PCDHGB5: variants seen among roughly 807,000 people sequenced by gnomAD.
PCDHGB5 encodes protocadherin gamma-B5.
In PCDHGB5, 48 loss-of-function variants were observed where a neutral mutation model predicts 62.9. That is an observed-to-expected ratio of 0.76 (90% CI 0.61 to 0.97). PCDHGB5 has a LOEUF of 0.97. Among genes scored for constraint, PCDHGB5 ranks in the 50% least tolerant of loss-of-function variants. The probability of loss-of-function intolerance (pLI) is 0.00; values close to 1 mark genes in which losing one functional copy is unlikely to be tolerated. For synonymous variants in PCDHGB5, 474 were observed against 511.2 expected, an observed-to-expected ratio of 0.93 and a Z score of 0.98; for missense variants, 1,118 against 1,198.6, an observed-to-expected ratio of 0.93 and a Z score of 0.99.
chr5:141,428,204 C>G, intron 1 of PCDHGB5: 2 of 1,324,722 alleles, frequency 1.5e-6, no homozygotes, highest in Non-Finnish European at 1.1e-6. Context: ...TGCGCCGCTA[C>G]GCTTCACCTA....
Position 141,490,027 on chromosome 5 carries a change from CG to C in PCDHGB5, c.2398-4779del. The C allele has an allele frequency of 6.2e-7, 1 of 1,614,214 alleles. No individual in the cohort carries two copies. Among genetic ancestry groups the C allele is most frequent in the Admixed American group, 1.7e-5 (1 of 60,032 alleles). On this transcript the variant is annotated intron_variant, in intron 1 of 3. Transcript: ENST00000617380. The surrounding 1 kb of genome is among the most constrained non-coding windows in gnomAD (Gnocchi z 5.4). Reference sequence around the variant, plus strand: ...TGCACCCATTGGTACTCTGCTGCTCCGCCTCAATGCCACTGATCCAGACGAG... The same window carrying C: ...TGCACCCATTGGTACTCTGCTGCTCCCCTCAATGCCACTGATCCAGACGAG...
At chr5:141,468,330 C>CAAAAAAAAAAAA (rs533390277) in intron 1 of PCDHGB5, 1 of 79,864 alleles carries the variant, frequency 1.3e-5, no homozygotes, top group African/African-American at 3.9e-5. Context: ...AACTCCATCT[C>CAAAAAAAAAAAA]AAAAAAAAAA....
intron 1 of PCDHGB5, among the ~76,000 whole-genome samples, chr5:141,484,454 G>A (rs932663778): frequency 6.6e-6 from 1 of 152,212 alleles, no homozygotes; most frequent in African/African-American, 2.4e-5. Context: ...AATTGGCTAC[G>A]TTAATGTGTA....
At position 141,490,979 on chromosome 5, in the gene PCDHGB5, C is replaced by T. The variant is rs1217345302; in HGVS notation, c.2398-3828C>T. 6.2e-7 allele frequency: 1 copy of T among 1,614,086 alleles called. No individual in the cohort carries two copies. The highest frequency in any genetic ancestry group is 8.5e-7 in the Non-Finnish European group (1 of 1,180,014). ...GAACACTCAGCCCCCCAGCGTCTCC[C>T]TCGCTCTGCTCCTCCTGGCTCCTTG... On this transcript the variant is annotated intron_variant, in intron 1 of 3. Transcript: ENST00000617380. This position sits in a 1 kb window ranked among gnomAD's most constrained non-coding sequence, Gnocchi z 5.4.
intron 1 of PCDHGB5, among the ~76,000 whole-genome samples, chr5:141,425,059 G>A (rs1056925377): frequency 3.3e-5 from 5 of 152,110 alleles, no homozygotes; most frequent in Non-Finnish European, 7.4e-5. Flanking sequence ...CTAGGGCTCG[G>A]ACAAAAATAA....
intron 1 of PCDHGB5, chr5:141,415,450 C>T (rs774745130): frequency 1.9e-6 from 3 of 1,614,202 alleles, no homozygotes; most frequent in Non-Finnish European, 2.5e-6. Flanking sequence ...GACCTATTCC[C>T]ACGAGGTCTC....
intron 1 of PCDHGB5, chr5:141,441,396 C>T (rs2098244328): frequency 6.5e-6 from 1 of 154,724 alleles, no homozygotes; most frequent in Admixed American, 6.5e-5. Flanking sequence ...GGTATAACAT[C>T]AGCATCACTG....
chr5:141,426,364 G>C (rs918838005), intron 1 of PCDHGB5: 1 of 202,328 alleles, frequency 4.9e-6, no homozygotes, highest in Non-Finnish European at 1.0e-5. Flanking sequence ...TTTGTTCTGC[G>C]GGGCACCCTC....
At chr5:141,408,266 C>G in intron 1 of PCDHGB5, 1 of 1,608,708 alleles carries the variant, frequency 6.2e-7, no homozygotes, top group Non-Finnish European at 8.5e-7. Flanking sequence ...TCCTTTGCTG[C>G]TGCCTTTGTT....
intron 1 of PCDHGB5, among the ~76,000 whole-genome samples, chr5:141,465,343 TG>T (rs1048302340): frequency 1.5e-4 from 23 of 152,118 alleles, no homozygotes; most frequent in African/African-American, 5.3e-4. Flanking sequence ...TATTGGTTAC[TG>T]AAGAAAAAAT....
chr5:141,504,200 G>C (rs1232187138), intron 2 of PCDHGB5, among the ~76,000 whole-genome samples: 1 of 152,154 alleles, frequency 6.6e-6, no homozygotes, highest in Non-Finnish European at 1.5e-5. Context: ...TTGTCACTGT[G>C]GGAAAATTCC....
intron 2 of PCDHGB5, among the ~76,000 whole-genome samples, chr5:141,503,598 C>CA (rs765754054): frequency 0.15 from 9,705 of 65,252 alleles, 922 homozygotes; most frequent in African/African-American, 0.34. Context: ...GACTCCAGCT[C>CA]AAAAAAAAAA....
At chr5:141,464,251 C>G (rs1438610569) in intron 1 of PCDHGB5, among the ~76,000 whole-genome samples, 1 of 141,396 alleles carries the variant, frequency 7.1e-6, no homozygotes, top group African/African-American at 2.7e-5. Context: ...GGCTACAGAG[C>G]GAGACTCCGT....
rs573580017 is a variant in PCDHGB5, at chr5:141,484,867, G to T, written c.2398-9940G>T. 33 of 282,678 alleles carry T rather than the reference G, an allele frequency of 1.2e-4. No individual in the cohort carries two copies. The South Asian group carries it at 1.6e-3, about 14-fold the overall frequency. The allele number at this position is 282,678 out of a possible 1,614,324, so 17.5% of individuals were successfully genotyped here. On this transcript the variant is annotated intron_variant, in intron 1 of 3. Transcript: ENST00000617380. ...TGGGTTTTTTGGGGGGTGGGGGAGC[G>T]TGGAGGATAGGGTGGGCTTTTTCCC...
chr5:141,415,533 G>C lies in PCDHGB5; in HGVS notation c.2397+15009G>C, dbSNP rs749139053. On this transcript the variant is annotated intron_variant, in intron 1 of 3. Coordinates refer to ENST00000617380, the MANE Select transcript of PCDHGB5 (RefSeq NM_018925.3). ...ATTATGCGGACACGCTCATCAGCCA[G>C]GAGAGCTGTGAGAAAAACGATCCTT... is the stretch of plus-strand genomic sequence containing the variant. 1.4e-5 allele frequency: 22 copies of C among 1,614,080 alleles called. No individual in the cohort carries two copies. Among genetic ancestry groups the C allele is most frequent in the Non-Finnish European group, 1.9e-5 (22 of 1,180,042 alleles).
chr5:141,465,836 A>G (rs974075792), intron 1 of PCDHGB5, among the ~76,000 whole-genome samples: 1 of 151,774 alleles, frequency 6.6e-6, no homozygotes, highest in East Asian at 1.9e-4. Context: ...TAAAATTTCA[A>G]CTGAGGCTGG....
intron 1 of PCDHGB5, among the ~76,000 whole-genome samples, chr5:141,474,643 CCTTA>C (rs1474125632): frequency 1.3e-5 from 2 of 152,134 alleles, no homozygotes; most frequent in Admixed American, 1.3e-4. Flanking sequence ...TCCTATATAT[CCTTA>C]CTTCTTTTCT....
intron 1 of PCDHGB5, chr5:141,428,361 C>T (rs1285334430): frequency 9.0e-6 from 5 of 556,646 alleles, no homozygotes; most frequent in South Asian, 7.5e-5. Context: ...TTTTGGCGGT[C>T]GCCTTGCACC....
At chr5:141,429,597 G>A (rs937301997) in intron 1 of PCDHGB5, among the ~76,000 whole-genome samples, 2 of 152,094 alleles carry the variant, frequency 1.3e-5, no homozygotes, top group Non-Finnish European at 2.9e-5. Flanking sequence ...TGTAATTCAA[G>A]TAAACTCAAT....
Sources: gnomAD v4.1 joint callset for allele counts (sites outside exome capture counted in the v4.1 genomes callset) on GRCh38, gnomAD v4.1.1 for gene constraint, Gnocchi (gnomAD v3.1) non-coding constraint, MANE v1.5 for transcripts, NCBI Gene and HGNC (gene_info 2026-07-23, HGNC 2026-07-21) for gene names.